ATG14: variants seen among roughly 807,000 people sequenced by gnomAD.
The protein encoded by ATG14 is autophagy related 14.
A neutral mutation model predicts 60.4 loss-of-function variants in ATG14; 35 were observed. The observed-to-expected ratio is 0.58, with a 90% CI of 0.44 to 0.77. ATG14 has a LOEUF of 0.77. Among genes scored for constraint, ATG14 ranks in the 30% least tolerant of loss-of-function variants. The probability of loss-of-function intolerance (pLI) is 0.00; values close to 1 mark genes in which losing one functional copy is unlikely to be tolerated. For missense variants in ATG14, 647 were observed against 626.3 expected, an observed-to-expected ratio of 1.03 and a Z score of -0.35; for synonymous variants, 234 against 228.8, an observed-to-expected ratio of 1.02 and a Z score of -0.21.
rs768658830 is a variant in ATG14 at position 55,381,926 on chromosome 14, C to A, written c.877+36G>T. 7.7e-6 allele frequency: 12 copies of A among 1,558,016 alleles called. No homozygotes were observed. The East Asian group carries it at 2.0e-4, about 26-fold the overall frequency. ...ATGTCAATTTTACCTATAACTCTCT[C>A]TATATATAGATTTCAAAGGATATGC... On this transcript the variant is annotated intron_variant, in intron 6 of 9. Transcript: ENST00000247178.
intron 7 of ATG14, 85 bp downstream of exon 7, chr14:55,380,488 T>G: frequency 1.2e-6 from 1 of 860,228 alleles, no homozygotes. Context: ...ACATTCTTAT[T>G]TTTGGTTTAT....
At chr14:55,411,456 T>C in intron 1 of ATG14, 146 bp downstream of exon 1, 1 of 813,000 alleles carries the variant, frequency 1.2e-6, no homozygotes, top group South Asian at 1.8e-5. Context: ...AAAGCTCCGG[T>C]GCAGAGCAGC....
intron 9 of ATG14, among the ~76,000 whole-genome samples, chr14:55,373,449 ACTATTTTTATTACTT>A: frequency 6.6e-6 from 1 of 152,198 alleles, no homozygotes; most frequent in South Asian, 2.1e-4. Context: ...ATATGACTGT[ACTATTTTTATTACTT>A]ATTTTTTTAT....
intron 1 of ATG14, among the ~76,000 whole-genome samples, chr14:55,397,851 CTTT>C (rs1022314874): frequency 6.6e-6 from 1 of 150,748 alleles, no homozygotes; most frequent in South Asian, 2.1e-4. Context: ...AAATTGTAGA[CTTT>C]TTTTCACTAA....
intron 1 of ATG14, among the ~76,000 whole-genome samples, chr14:55,401,698 G>A (rs1488296381): frequency 6.6e-6 from 1 of 152,040 alleles, no homozygotes; most frequent in Non-Finnish European, 1.5e-5. Flanking sequence ...CTTTCCAGCA[G>A]TCCCTCTGTG....
intron 5 of ATG14, among the ~76,000 whole-genome samples, chr14:55,382,755 G>A (rs1885057468): frequency 1.3e-5 from 2 of 152,202 alleles, no homozygotes; most frequent in Non-Finnish European, 2.9e-5. Context: ...ACGGAACCAT[G>A]AGGTAGGGCT....
At chr14:55,404,082 T>C (rs904790490) in intron 1 of ATG14, among the ~76,000 whole-genome samples, 1 of 152,194 alleles carries the variant, frequency 6.6e-6, no homozygotes, top group South Asian at 2.1e-4. Context: ...GCCTGGATTA[T>C]ATAATTTACT....
At chr14:55,394,811 A>G (rs942355594) in intron 3 of ATG14, 1 of 292,908 alleles carries the variant, frequency 3.4e-6, no homozygotes, top group Non-Finnish European at 6.6e-6. Flanking sequence ...GCCTGGTATT[A>G]TAGGATATAA....
intron 7 of ATG14, 118 bp from the exon 8 acceptor site, chr14:55,378,192 A>G: frequency 1.3e-6 from 1 of 759,734 alleles, no homozygotes. Context: ...ACTCCTTAGT[A>G]AATTGCACTT....
chr14:55,393,390 A>C (rs561051259), intron 3 of ATG14, among the ~76,000 whole-genome samples: 3 of 152,250 alleles, frequency 2.0e-5, no homozygotes, highest in African/African-American at 4.8e-5. Flanking sequence ...GTCTCAAAAA[A>C]AAGAGGAAAA....
chr14:55,372,876 C>A (rs1184344125), intron 9 of ATG14, among the ~76,000 whole-genome samples: 1 of 152,136 alleles, frequency 6.6e-6, no homozygotes. Context: ...GTGGAGAAAC[C>A]CACCTGGCAC....
intron 9 of ATG14, 119 bp from the exon 10 acceptor site, chr14:55,370,044 T>C: frequency 3.2e-6 from 3 of 934,640 alleles, no homozygotes. Context: ...CCCCATTCAT[T>C]CCCCAAGTCT....
rs764423857 is a variant in ATG14, at chr14:55,369,892, C to T, written c.1206G>A (p.Glu402=). ...CGGGATCCACAAATTCCATGGACTCCTCAAGGTCTGCTCGTACTTCAAAGG... is the reference window on the plus strand; with the variant it reads ...CGGGATCCACAAATTCCATGGACTCTTCAAGGTCTGCTCGTACTTCAAAGG... ...SGPFEVRADL[E]ESMEFVDPGV... The change falls in exon 10 of 10, where the codon GAG becomes GAA. Residue 402 remains glutamate (E), a synonymous_variant. Transcript: ENST00000247178. 6.2e-6 allele frequency: 10 copies of T among 1,613,424 alleles called. No homozygotes were observed. In the African/African-American group the frequency reaches 1.3e-4, roughly 22 times the overall value.
At chr14:55,379,704 G>C (rs1417844112) in intron 7 of ATG14, among the ~76,000 whole-genome samples, 10 of 152,174 alleles carry the variant, frequency 6.6e-5, no homozygotes, top group Non-Finnish European at 1.5e-4. Flanking sequence ...TGGGTAGGCT[G>C]TATATCTTTA....
At chr14:55,385,387 G>A (rs1456218669) in intron 5 of ATG14, among the ~76,000 whole-genome samples, 1 of 152,120 alleles carries the variant, frequency 6.6e-6, no homozygotes, top group Non-Finnish European at 1.5e-5. Context: ...CGGCCTCCTG[G>A]GTTCAAGCAA....
chr14:55,395,519 G>C (rs1232503966), intron 3 of ATG14, among the ~76,000 whole-genome samples: 1 of 152,134 alleles, frequency 6.6e-6, no homozygotes, highest in African/African-American at 2.4e-5. Flanking sequence ...CACCTGGCCG[G>C]AAGTTTTAAA....
chr14:55,372,299 A>C (rs1884837383), intron 9 of ATG14, among the ~76,000 whole-genome samples: 1 of 137,278 alleles, frequency 7.3e-6, no homozygotes, highest in South Asian at 2.4e-4. Flanking sequence ...CCACTTTCCC[A>C]TCTGCCTCCT....
At chr14:55,371,803 CAAAA>C (rs1884824594) in intron 9 of ATG14, among the ~76,000 whole-genome samples, 1 of 149,648 alleles carries the variant, frequency 6.7e-6, no homozygotes, top group East Asian at 2.0e-4. Context: ...GACTCTGTCT[CAAAA>C]AACAAACAAA....
intron 9 of ATG14, among the ~76,000 whole-genome samples, chr14:55,371,586 C>A (rs796684650): frequency 6.6e-6 from 1 of 151,846 alleles, no homozygotes; most frequent in Non-Finnish European, 1.5e-5. Flanking sequence ...GCGGGCAGAT[C>A]ACGAGGTCAG....
Sources: gnomAD v4.1 joint callset for allele counts (sites outside exome capture counted in the v4.1 genomes callset) on GRCh38, gnomAD v4.1.1 for gene constraint, MANE v1.5 for transcripts, NCBI Gene and HGNC (gene_info 2026-07-23, HGNC 2026-07-21) for gene names.